COMMD10: variants seen among roughly 807,000 people sequenced by gnomAD.
COMMD10 encodes COMM domain-containing protein 10.
COMMD10 carries 33 observed loss-of-function variants against 28.9 expected under a neutral mutation model. That is an observed-to-expected ratio of 1.14 (90% confidence interval 0.87 to 1.53). The LOEUF (loss-of-function observed/expected upper bound fraction) is 1.53, where lower values mean the gene tolerates loss of function less well. COMMD10 is among the 40% of genes most tolerant of loss of function. COMMD10 has a pLI of 0.00. For missense variants in COMMD10, 310 were observed against 233.4 expected (o/e 1.33, Z -2.14); for synonymous variants, 110 against 81.7 (o/e 1.35, Z -1.87).
chr5:116,291,334 G>A (rs1033690102), intron 5 of COMMD10, among the ~76,000 whole-genome samples, 183 bp from the exon 6 acceptor site: 1 of 152,154 alleles, frequency 6.6e-6, no homozygotes, highest in Admixed American at 6.6e-5. Flanking sequence ...GAAACCTTTT[G>A]CTAGAGTGTT....
At chr5:116,107,029 G>A (rs963308744) in intron 4 of COMMD10, among the ~76,000 whole-genome samples, 2 of 152,138 alleles carry the variant, frequency 1.3e-5, no homozygotes, top group Non-Finnish European at 2.9e-5. Flanking sequence ...TATGATGGTA[G>A]CTGGTTATTT....
intron 6 of COMMD10, among the ~76,000 whole-genome samples, chr5:116,292,050 G>A (rs1467617810): frequency 1.3e-5 from 2 of 151,528 alleles, no homozygotes; most frequent in African/African-American, 4.9e-5. Flanking sequence ...TTCTGCCAGT[G>A]TACTGCCACT....
intron 5 of COMMD10, among the ~76,000 whole-genome samples, chr5:116,243,640 T>C (rs905857605): frequency 6.6e-6 from 1 of 152,118 alleles, no homozygotes; most frequent in Non-Finnish European, 1.5e-5. Context: ...GAGTATTCAG[T>C]AAATTTATTA....
intron 4 of COMMD10, among the ~76,000 whole-genome samples, chr5:116,119,740 T>C (rs915054759): frequency 2.0e-5 from 3 of 151,950 alleles, no homozygotes; most frequent in African/African-American, 4.8e-5. Flanking sequence ...GCTTCCCAAG[T>C]AACTAGGACT....
chr5:116,085,464 T>G, intron 1 of COMMD10: 1 of 260,464 alleles, frequency 3.8e-6, no homozygotes. Context: ...CCGATTTCAG[T>G]TCCGGTTCAG....
intron 5 of COMMD10, among the ~76,000 whole-genome samples, chr5:116,150,034 T>A (rs985525395): frequency 3.0e-4 from 46 of 152,176 alleles, no homozygotes; most frequent in Admixed American, 5.9e-4. Flanking sequence ...AATTTTTGTA[T>A]AAGGTGTAAG....
chr5:116,277,865 G>T (rs899547703), intron 5 of COMMD10, among the ~76,000 whole-genome samples: 1 of 151,716 alleles, frequency 6.6e-6, no homozygotes, highest in Non-Finnish European at 1.5e-5. Flanking sequence ...ATTTCATTCA[G>T]GATGCCAAAT....
chr5:116,091,133 C>T lies in COMMD10; in HGVS notation c.187C>T (p.Leu63=), dbSNP rs1336397615. 15 of 1,612,070 alleles carry T rather than the reference C, an allele frequency of 9.3e-6. No homozygotes were observed. Among genetic ancestry groups the T allele is most frequent in the Admixed American group, 3.3e-5 (2 of 59,752 alleles). Residue 63 remains leucine, a synonymous_variant, in exon 3 of 7, where the codon CTA becomes TTA. Transcript: ENST00000274458. ...EEEKLQAAFS[L]EKQDLHLVLE... is the part of the protein sequence containing the mutation. The stretch of plus-strand genomic sequence containing the variant: ...AGAAAAACTTCAAGCGGCATTTTCT[C>T]TAGAGAAACAAGATCTTCACCTAGT...
intron 5 of COMMD10, among the ~76,000 whole-genome samples, chr5:116,214,139 C>T (rs926760823): frequency 6.6e-6 from 1 of 152,000 alleles, no homozygotes; most frequent in South Asian, 2.1e-4. Flanking sequence ...GTCTTTAAAC[C>T]TTTAGCTGTT....
chr5:116,122,554 C>G (rs1347982286), intron 4 of COMMD10, among the ~76,000 whole-genome samples: 2 of 152,158 alleles, frequency 1.3e-5, no homozygotes, highest in Non-Finnish European at 2.9e-5. Context: ...GGCATTGAAT[C>G]TATAAATTAC....
At chr5:116,263,875 T>C (rs963065339) in intron 5 of COMMD10, among the ~76,000 whole-genome samples, 6 of 151,752 alleles carry the variant, frequency 4.0e-5, no homozygotes, top group African/African-American at 1.5e-4. Flanking sequence ...CCCGACCACC[T>C]TGGGCACATG....
intron 5 of COMMD10, among the ~76,000 whole-genome samples, chr5:116,182,349 G>T (rs1433759103): frequency 6.6e-6 from 1 of 151,492 alleles, no homozygotes; most frequent in African/African-American, 2.4e-5. Flanking sequence ...AGAACAATAG[G>T]TTTCCGATTT....
intron 5 of COMMD10, among the ~76,000 whole-genome samples, chr5:116,183,211 CATT>C (rs1270690906): frequency 1.3e-5 from 2 of 151,970 alleles, no homozygotes; most frequent in Admixed American, 6.6e-5. Flanking sequence ...TAATATCTAA[CATT>C]ATATTGAGTT....
intron 5 of COMMD10, among the ~76,000 whole-genome samples, chr5:116,195,895 C>T (rs942717977): frequency 1.3e-5 from 2 of 152,138 alleles, no homozygotes; most frequent in Non-Finnish European, 2.9e-5. Context: ...TACCACCTTA[C>T]TCCTGCAAGA....
At chr5:116,212,371 T>C (rs990307931) in intron 5 of COMMD10, among the ~76,000 whole-genome samples, 1 of 152,068 alleles carries the variant, frequency 6.6e-6, no homozygotes, top group East Asian at 1.9e-4. Flanking sequence ...TATCTACATA[T>C]CCAAGCCAGT....
chr5:116,284,159 C>A (rs1751154651), intron 5 of COMMD10, among the ~76,000 whole-genome samples: 1 of 151,154 alleles, frequency 6.6e-6, no homozygotes, highest in Admixed American at 6.6e-5. Context: ...AAAGAATGAT[C>A]AGCAAATTTA....
At chr5:116,095,453 T>C (rs756327440) in intron 4 of COMMD10, among the ~76,000 whole-genome samples, 3 of 152,208 alleles carry the variant, frequency 2.0e-5, no homozygotes, top group Non-Finnish European at 4.4e-5. Flanking sequence ...TGAATTATTG[T>C]ATTTTAACTT....
At chr5:116,178,754 G>T (rs1056557933) in intron 5 of COMMD10, among the ~76,000 whole-genome samples, 2 of 152,056 alleles carry the variant, frequency 1.3e-5, no homozygotes, top group South Asian at 2.1e-4. Context: ...AGGAAAGTTG[G>T]TTTATAATAA....
intron 5 of COMMD10, among the ~76,000 whole-genome samples, chr5:116,176,946 C>G (rs1286019039): frequency 6.6e-6 from 1 of 152,110 alleles, no homozygotes; most frequent in Non-Finnish European, 1.5e-5. Flanking sequence ...GAAGAGGGTC[C>G]TTCCCCAAAG....
Sources: allele counts gnomAD v4.1 joint callset (sites outside exome capture counted in the v4.1 genomes callset), GRCh38; gene constraint gnomAD v4.1.1; transcripts MANE v1.5; gene names NCBI Gene and HGNC (gene_info 2026-07-23, HGNC 2026-07-21).